The following CTNNA3 variants were observed in gnomAD, a reference collection of about 807,000 sequenced individuals.
CTNNA3 encodes the protein catenin alpha-3.
Under a neutral mutation model 95.7 loss-of-function variants are expected in CTNNA3, and 76 were observed. The ratio of observed to expected loss-of-function variants is 0.79; its 90% CI spans 0.66 to 0.96. The LOEUF (loss-of-function observed/expected upper bound fraction) is 0.96. CTNNA3 is among the 40% of genes least tolerant of loss of function. The pLI is 0.00. For missense variants in CTNNA3, 1,191 were observed against 1,089.8 expected (o/e 1.09, Z -1.31); for synonymous variants, 431 against 374.4 (o/e 1.15, Z -1.74).
At chr10:67,683,253 G>A (rs1358435392) in intron 1 of CTNNA3, among the ~76,000 whole-genome samples, 1 of 152,120 alleles carries the variant, frequency 6.6e-6, no homozygotes, top group Non-Finnish European at 1.5e-5. Context: ...GATCTCTTCT[G>A]GTGAATCTCA....
chr10:66,056,183 T>C (rs1472239172), intron 15 of CTNNA3, among the ~76,000 whole-genome samples: 3 of 152,126 alleles, frequency 2.0e-5, no homozygotes, highest in Non-Finnish European at 4.4e-5. Context: ...GTTTATCTTA[T>C]TGAGATATTT....
At chr10:67,011,305 C>A (rs1007544387) in intron 7 of CTNNA3, among the ~76,000 whole-genome samples, 12 of 148,446 alleles carry the variant, frequency 8.1e-5, no homozygotes, top group African/African-American at 3.0e-4. Context: ...CATGCCACTG[C>A]ACTCCAGCCT....
chr10:66,327,523 T>A (rs1026168364), intron 12 of CTNNA3, among the ~76,000 whole-genome samples: 2 of 151,998 alleles, frequency 1.3e-5, no homozygotes, highest in East Asian at 3.8e-4. Context: ...AGGGGAAAAA[T>A]TCCTGAAATT....
chr10:67,567,951 T>C (rs925301777), intron 3 of CTNNA3, among the ~76,000 whole-genome samples: 1 of 152,114 alleles, frequency 6.6e-6, no homozygotes, highest in Non-Finnish European at 1.5e-5. Flanking sequence ...AGTATATTAA[T>C]GCAGGAGCCT....
At chr10:66,353,336 C>T (rs974426856) in intron 12 of CTNNA3, among the ~76,000 whole-genome samples, 1 of 151,946 alleles carries the variant, frequency 6.6e-6, no homozygotes, top group Non-Finnish European at 1.5e-5. Context: ...CAGAAATGGG[C>T]ACAATTGTAA....
At chr10:65,927,377 A>G (rs1382866556) in intron 17 of CTNNA3, among the ~76,000 whole-genome samples, 1 of 152,212 alleles carries the variant, frequency 6.6e-6, no homozygotes, top group East Asian at 1.9e-4. Context: ...GTACACTAGA[A>G]AGGAATGTGA....
intron 1 of CTNNA3, among the ~76,000 whole-genome samples, chr10:67,726,552 A>G (rs1386838145): frequency 1.5e-5 from 1 of 68,794 alleles, no homozygotes; most frequent in African/African-American, 7.5e-5. Context: ...ATTACATATT[A>G]TATAATATAA....
chr10:66,150,694 A>G (rs952347817), intron 13 of CTNNA3, among the ~76,000 whole-genome samples: 2 of 151,954 alleles, frequency 1.3e-5, no homozygotes, highest in Non-Finnish European at 2.9e-5. Context: ...ATTATTAACT[A>G]TAGTTACCCT....
intron 8 of CTNNA3, among the ~76,000 whole-genome samples, chr10:66,768,977 A>G (rs2132796855): frequency 6.6e-6 from 1 of 151,640 alleles, no homozygotes; most frequent in South Asian, 2.1e-4. Context: ...AAAGACAGTG[A>G]GTATAAACTT....
chr10:67,223,485 T>G (rs903843409), intron 5 of CTNNA3, among the ~76,000 whole-genome samples: 7 of 152,200 alleles, frequency 4.6e-5, no homozygotes, highest in Non-Finnish European at 1.0e-4. Flanking sequence ...TAATCTTTTT[T>G]TAAATGCTCC....
At chr10:67,532,377 T>C (rs537874215) in intron 4 of CTNNA3, among the ~76,000 whole-genome samples, 49 of 152,322 alleles carry the variant, frequency 3.2e-4, no homozygotes, top group South Asian at 6.2e-4. Context: ...GCTGCCAACA[T>C]GGTAATGTGA....
At chr10:66,224,096 C>T (rs1219377041) in intron 13 of CTNNA3, among the ~76,000 whole-genome samples, 2 of 152,090 alleles carry the variant, frequency 1.3e-5, no homozygotes, top group Non-Finnish European at 2.9e-5. Flanking sequence ...AGTTTTCCTA[C>T]CTCACTGTTT....
intron 15 of CTNNA3, among the ~76,000 whole-genome samples, chr10:66,006,268 CT>C (rs1288464970): frequency 6.6e-6 from 1 of 152,044 alleles, no homozygotes; most frequent in Non-Finnish European, 1.5e-5. Flanking sequence ...CCGCCTCGGC[CT>C]CCCAAAGTGC....
At position 66,682,580 on chromosome 10, in the gene CTNNA3, A is replaced by C. The variant is rs146834799; in HGVS notation, c.1282-60796T>G. 1.0e-3 allele frequency among the ~76,000 whole-genome samples: 153 copies of C among 152,018 alleles called. 5 individuals carry two copies. In the East Asian group the frequency reaches 0.026, roughly 26 times the overall value. The stretch of plus-strand genomic sequence containing the variant: ...ATTTTCTCAGGAGATTCTCTCAATC[A>C]CTGTATTTTATTATCTGTGAATTCC... On this transcript the variant is annotated intron_variant, in intron 9 of 17. Transcript: ENST00000433211.
chr10:67,203,662 A>G (rs1346771430), intron 6 of CTNNA3, among the ~76,000 whole-genome samples: 1 of 152,190 alleles, frequency 6.6e-6, no homozygotes, highest in Non-Finnish European at 1.5e-5. Context: ...ATATTATAAA[A>G]ATATCTTGAT....
chr10:66,159,659 T>C (rs910624387), intron 13 of CTNNA3, among the ~76,000 whole-genome samples: 1 of 145,100 alleles, frequency 6.9e-6, no homozygotes, highest in Non-Finnish European at 1.5e-5. Context: ...TGTTCTTTCC[T>C]GGTTTTGGTA....
chr10:66,700,893 A>G (rs1186044171), intron 9 of CTNNA3, among the ~76,000 whole-genome samples: 2 of 152,168 alleles, frequency 1.3e-5, no homozygotes, highest in Non-Finnish European at 2.9e-5. Flanking sequence ...ATCTGCTTAT[A>G]TAGCACATGG....
At chr10:65,949,149 C>T (rs1362793934) in intron 17 of CTNNA3, among the ~76,000 whole-genome samples, 3 of 152,074 alleles carry the variant, frequency 2.0e-5, no homozygotes, top group Admixed American at 2.0e-4. Flanking sequence ...AGAACAAAGA[C>T]CTTGCTTATT....
At chr10:66,174,352 A>T (rs1191223122) in intron 13 of CTNNA3, among the ~76,000 whole-genome samples, 3 of 152,114 alleles carry the variant, frequency 2.0e-5, no homozygotes, top group Non-Finnish European at 4.4e-5. Flanking sequence ...ATATTTCTTT[A>T]CAATATTATT....
Sources: allele counts gnomAD v4.1 joint callset (sites outside exome capture counted in the v4.1 genomes callset), GRCh38; gene constraint gnomAD v4.1.1; transcripts MANE v1.5; gene names NCBI Gene and HGNC (gene_info 2026-07-23, HGNC 2026-07-21).